The following CADPS variants were observed in gnomAD, a reference collection of about 807,000 sequenced individuals.
CADPS encodes calcium-dependent secretion activator 1.
A neutral mutation model predicts 167.3 loss-of-function variants in CADPS; 57 were observed. The ratio of observed to expected loss-of-function variants is 0.34; its 90% CI spans 0.28 to 0.42. CADPS has a LOEUF of 0.42. Ranked by LOEUF, CADPS falls within the 20% of genes least tolerant of loss-of-function variation. The pLI, the probability that CADPS is intolerant of heterozygous loss-of-function variation, is 1.00. For synonymous variants in CADPS, 676 were observed against 635.3 expected, an observed-to-expected ratio of 1.06 and a Z score of -0.96; for missense variants, 1,414 against 1,738.1, an observed-to-expected ratio of 0.81 and a Z score of 3.32.
At chr3:62,441,322 T>G (rs2056273455) in intron 27 of CADPS, among the ~76,000 whole-genome samples, 1 of 152,202 alleles carries the variant, frequency 6.6e-6, no homozygotes, top group African/African-American at 2.4e-5. Context: ...GAAGACATAA[T>G]TTGTGAATAA....
In CADPS at chr3:62,503,520, G is replaced by A. The variant is rs536621805; in HGVS notation, c.2600-4252C>T. 1.1e-3 allele frequency among the ~76,000 whole-genome samples: 162 copies of A among 152,304 alleles called. 1 individual carries two copies. Among genetic ancestry groups the A allele is most frequent in the African/African-American group, 3.6e-3 (151 of 41,578 alleles). The stretch of plus-strand genomic sequence containing the variant: ...GCTTTGCAAAAGCAGATGAAGGGCC[G>A]TTATTAGTTCAAGTGAGCTAGGAAA... On this transcript the variant is annotated intron_variant, in intron 17 of 29. Coordinates refer to ENST00000383710, the MANE Select transcript of CADPS (RefSeq NM_003716.4).
chr3:62,572,554 G>T (rs993133876), intron 8 of CADPS, among the ~76,000 whole-genome samples: 1 of 152,000 alleles, frequency 6.6e-6, no homozygotes, highest in African/African-American at 2.4e-5. Flanking sequence ...TATGAAAAGT[G>T]CCTCAAACTT....
At chr3:62,592,887 A>C (rs1419268817) in intron 6 of CADPS, 139 bp from the exon 7 acceptor site, 2 of 547,164 alleles carry the variant, frequency 3.7e-6, no homozygotes, top group East Asian at 2.9e-5. Flanking sequence ...CTCCCCTTCA[A>C]AGCTGCCAGA....
chr3:62,680,165 T>C (rs1315732374), intron 3 of CADPS, among the ~76,000 whole-genome samples: 3 of 151,942 alleles, frequency 2.0e-5, no homozygotes, highest in Admixed American at 1.3e-4. Flanking sequence ...GCTGCAGAAA[T>C]TGTCCAGGTG....
chr3:62,578,110 A>G (rs1180000908), intron 8 of CADPS, among the ~76,000 whole-genome samples: 1 of 152,082 alleles, frequency 6.6e-6, no homozygotes, highest in African/African-American at 2.4e-5. Flanking sequence ...TATGCTGCCT[A>G]TAAGAAATGC....
intron 10 of CADPS, among the ~76,000 whole-genome samples, chr3:62,552,105 T>C (rs183774043): frequency 2.6e-5 from 4 of 152,012 alleles, no homozygotes; most frequent in African/African-American, 4.8e-5. Context: ...ATCCATCTTT[T>C]TCCATGGGCA....
At chr3:62,580,607 G>T (rs1322925469) in intron 8 of CADPS, among the ~76,000 whole-genome samples, 1 of 144,974 alleles carries the variant, frequency 6.9e-6, no homozygotes, top group Non-Finnish European at 1.5e-5. Context: ...AAAAAAAAAA[G>T]AAAGAGGCAA....
intron 11 of CADPS, among the ~76,000 whole-genome samples, chr3:62,542,170 G>A (rs1332732392): frequency 6.6e-6 from 1 of 152,088 alleles, no homozygotes; most frequent in Non-Finnish European, 1.5e-5. Flanking sequence ...TTTGTAATAA[G>A]CTAGAGGTAG....
chr3:62,563,268 G>A (rs1402250302), intron 9 of CADPS, among the ~76,000 whole-genome samples: 1 of 152,150 alleles, frequency 6.6e-6, no homozygotes, highest in Non-Finnish European at 1.5e-5. Context: ...AACATTTGGA[G>A]TTACAAATCC....
At chr3:62,662,207 T>A (rs980569695) in intron 4 of CADPS, 107 bp downstream of exon 4, 14 of 975,416 alleles carry the variant, frequency 1.4e-5, no homozygotes, top group Non-Finnish European at 1.6e-6. Flanking sequence ...TCATCTTCCC[T>A]CCTCTCTGCT....
chr3:62,832,870 C>T (rs1577045872), intron 1 of CADPS, among the ~76,000 whole-genome samples: 1 of 152,230 alleles, frequency 6.6e-6, no homozygotes, highest in East Asian at 1.9e-4. Flanking sequence ...GGGCCATCTG[C>T]TTCATGCTGG....
intron 8 of CADPS, among the ~76,000 whole-genome samples, chr3:62,572,658 T>A (rs1307885601): frequency 6.6e-6 from 1 of 151,672 alleles, no homozygotes; most frequent in African/African-American, 2.4e-5. Flanking sequence ...TTAACATGAA[T>A]AAATCTATTT....
chr3:62,701,513 G>A (rs2081377247), intron 3 of CADPS, among the ~76,000 whole-genome samples: 1 of 150,962 alleles, frequency 6.6e-6, no homozygotes, highest in Admixed American at 6.6e-5. Flanking sequence ...GGAGGCTGAG[G>A]CAGGAGAATT....
At position 62,518,819 on chromosome 3, in the gene CADPS, G is replaced by A. The variant is rs570052790; in HGVS notation, c.2292-569C>T. On this transcript the variant is annotated intron_variant, in intron 13 of 29. Transcript: ENST00000383710. ...TGACTTGTAAGTGTTTGTCTTTCCC[G>A]GTGTCAGACGTCTTAAATGGCTCAA... Among the ~76,000 whole-genome samples the A allele has an allele frequency of 2.0e-5, 3 of 152,108 alleles. No individual in the cohort carries two copies. In the South Asian group the frequency reaches 6.2e-4, roughly 32 times the overall value.
rs1378613478 is a variant in CADPS, at chr3:62,446,961, G to T, written c.3637-1164C>A. Reference sequence around the variant, plus strand: ...GCAATTTGGCTGAGATCAATATTAGGAATCAAGCTTCACCCAAATGTCTCC... The same window carrying T: ...GCAATTTGGCTGAGATCAATATTAGTAATCAAGCTTCACCCAAATGTCTCC... On this transcript the variant is annotated intron_variant, in intron 26 of 29. Coordinates refer to ENST00000383710, the MANE Select transcript of CADPS (RefSeq NM_003716.4). This position sits in a 1 kb window ranked among gnomAD's most constrained non-coding sequence, Gnocchi z 4.9. Among the ~76,000 whole-genome samples the T allele has an allele frequency of 6.6e-6, 1 of 152,192 alleles. No homozygotes were observed. The highest frequency in any genetic ancestry group is 1.5e-5 in the Non-Finnish European group (1 of 68,032).
chr3:62,840,777 A>C (rs1290753089), intron 1 of CADPS, among the ~76,000 whole-genome samples: 2 of 152,222 alleles, frequency 1.3e-5, no homozygotes, highest in Non-Finnish European at 1.5e-5. Context: ...ACTGTGTCAT[A>C]GGAAATAATC....
At chr3:62,794,794 A>AAAAAAAAAG (rs1559654625) in intron 1 of CADPS, among the ~76,000 whole-genome samples, 1 of 129,322 alleles carries the variant, frequency 7.7e-6, no homozygotes, top group Non-Finnish European at 1.6e-5. Flanking sequence ...AAAAAAAAAA[A>AAAAAAAAAG]AAAAAAAAAT....
intron 24 of CADPS, 141 bp downstream of exon 24, chr3:62,474,032 C>T (rs1457986070): frequency 3.5e-6 from 2 of 574,208 alleles, no homozygotes; most frequent in Non-Finnish European, 5.9e-6. Context: ...ACTGAACACT[C>T]ATCCATGGCT....
intron 3 of CADPS, among the ~76,000 whole-genome samples, chr3:62,732,309 G>A (rs903377633): frequency 6.6e-6 from 1 of 152,196 alleles, no homozygotes; most frequent in Non-Finnish European, 1.5e-5. Context: ...GCTGGTACAA[G>A]CTGTCAAGCT....
Sources: allele counts gnomAD v4.1 joint callset (sites outside exome capture counted in the v4.1 genomes callset), GRCh38; gene constraint gnomAD v4.1.1; non-coding constraint Gnocchi (gnomAD v3.1); transcripts MANE v1.5; gene names NCBI Gene and HGNC (gene_info 2026-07-23, HGNC 2026-07-21).